The following LHFPL2 variants were observed in gnomAD, a reference collection of about 807,000 sequenced individuals.
LHFPL2 encodes the protein LHFPL tetraspan subfamily member 2 protein.
In LHFPL2, 7 loss-of-function variants were observed where a neutral mutation model predicts 17.5. The ratio of observed to expected loss-of-function variants is 0.40; its 90% CI spans 0.23 to 0.75. The LOEUF is 0.75. Among genes scored for constraint, LHFPL2 ranks in the 30% least tolerant of loss-of-function variants. LHFPL2 has a pLI of 0.37. For synonymous variants in LHFPL2, 134 were observed against 116.2 expected (o/e 1.15, Z -0.99); for missense variants, 241 against 294.8 (o/e 0.82, Z 1.34).
At chr5:78,530,482 TA>T (rs1305093518) in intron 3 of LHFPL2, among the ~76,000 whole-genome samples, 2 of 152,206 alleles carry the variant, frequency 1.3e-5, no homozygotes, top group Non-Finnish European at 2.9e-5. Context: ...GAGTTCTCCC[TA>T]GATATGATGT....
chr5:78,644,101 C>T lies in LHFPL2; in HGVS notation c.-350+4398G>A, dbSNP rs1336765770. Among the ~76,000 whole-genome samples the T allele has an allele frequency of 3.9e-5, 6 of 152,060 alleles. 1 individual carries two copies. The highest frequency in any genetic ancestry group is 2.6e-4 in the Admixed American group (4 of 15,262). ...ATAAAATACCACCAGCACAGGGTATCTAAAGATAACATTTGGTAGTGTGTT... is the reference window on the plus strand; with the variant it reads ...ATAAAATACCACCAGCACAGGGTATTTAAAGATAACATTTGGTAGTGTGTT... On this transcript the variant is annotated intron_variant, in intron 1 of 4. Coordinates refer to ENST00000380345, the MANE Select transcript of LHFPL2 (RefSeq NM_005779.3).
At chr5:78,608,477 G>T (rs1303716637) in intron 2 of LHFPL2, among the ~76,000 whole-genome samples, 2 of 151,342 alleles carry the variant, frequency 1.3e-5, no homozygotes, top group Non-Finnish European at 2.9e-5. Context: ...CTGCATTCTA[G>T]AATAATATAT....
chr5:78,626,951 C>T (rs1422923386), intron 2 of LHFPL2, among the ~76,000 whole-genome samples: 9 of 151,836 alleles, frequency 5.9e-5, no homozygotes, highest in Admixed American at 2.0e-4. Flanking sequence ...CATGGTGGTA[C>T]GCGCCTGTAA....
At chr5:78,604,639 A>G (rs1744145977) in intron 2 of LHFPL2, among the ~76,000 whole-genome samples, 1 of 152,214 alleles carries the variant, frequency 6.6e-6, no homozygotes, top group East Asian at 1.9e-4. Context: ...GATCCAAGAA[A>G]CTTGTATTCA....
chr5:78,645,651 C>G (rs1745845830), intron 1 of LHFPL2, among the ~76,000 whole-genome samples: 1 of 151,926 alleles, frequency 6.6e-6, no homozygotes, highest in African/African-American at 2.4e-5. Context: ...GGTGCCGTCT[C>G]AGCTCGCTGT....
intron 2 of LHFPL2, among the ~76,000 whole-genome samples, chr5:78,567,973 C>T (rs1242657472): frequency 2.0e-5 from 3 of 147,788 alleles, no homozygotes; most frequent in Non-Finnish European, 4.6e-5. Flanking sequence ...ATACTATAAT[C>T]AACGTGTAAA....
intron 4 of LHFPL2, among the ~76,000 whole-genome samples, chr5:78,497,059 C>T (rs1456747622): frequency 1.3e-5 from 2 of 152,220 alleles, no homozygotes; most frequent in Admixed American, 6.5e-5. Context: ...TTTCCATTCC[C>T]CACTCAAAAC....
At chr5:78,604,307 A>G (rs1182084586) in intron 2 of LHFPL2, among the ~76,000 whole-genome samples, 1 of 102,600 alleles carries the variant, frequency 9.7e-6, no homozygotes, top group Non-Finnish European at 1.9e-5. Context: ...GCGAAACCCC[A>G]TCTCTACTAA....
chr5:78,646,561 C>T (rs1745886863), intron 1 of LHFPL2, among the ~76,000 whole-genome samples: 1 of 152,124 alleles, frequency 6.6e-6, no homozygotes, highest in Non-Finnish European at 1.5e-5. Flanking sequence ...TCTGGGAGCC[C>T]AATAGCCCAA....
intron 2 of LHFPL2, among the ~76,000 whole-genome samples, chr5:78,631,171 T>A (rs1745231195): frequency 6.6e-6 from 1 of 152,232 alleles, no homozygotes; most frequent in Non-Finnish European, 1.5e-5. Flanking sequence ...TTAATCTCCT[T>A]CAGGTTGCCC....
At chr5:78,636,182 C>G (rs959540401) in intron 1 of LHFPL2, among the ~76,000 whole-genome samples, 1 of 152,150 alleles carries the variant, frequency 6.6e-6, no homozygotes, top group African/African-American at 2.4e-5. Context: ...CACACTCCAC[C>G]CTATCAGAAT....
At chr5:78,597,196 T>A (rs561832052) in intron 2 of LHFPL2, among the ~76,000 whole-genome samples, 61 of 152,218 alleles carry the variant, frequency 4.0e-4, no homozygotes, top group African/African-American at 1.4e-3. Flanking sequence ...AGAGCAGCAG[T>A]CTAATCCCAG....
At position 78,489,107 on chromosome 5, in the gene LHFPL2, A is replaced by C; in HGVS notation, c.477T>G (p.Gly159=). The change falls in exon 5 of 5, where the codon GGT becomes GGG. Residue 159 remains glycine, a synonymous_variant. Coordinates refer to ENST00000380345, the MANE Select transcript of LHFPL2 (RefSeq NM_005779.3). Reference sequence around the variant, plus strand: ...CACAGTAGTCTATGGCCTTCTGGCAACCCCAGCCAGCAGGGTAGAGTATCA... The same window carrying C: ...CACAGTAGTCTATGGCCTTCTGGCACCCCCAGCCAGCAGGGTAGAGTATCA... ...LGLILYPAGW[G]CQKAIDYCGH... 6.2e-7 allele frequency: 1 copy of C among 1,614,184 alleles called. No individual in the cohort carries two copies.
rs1283851909 is a variant in LHFPL2 at position 78,585,076 on chromosome 5, G to A, written c.-244-20205C>T. On this transcript the variant is annotated intron_variant, in intron 2 of 4. Coordinates refer to ENST00000380345, the MANE Select transcript of LHFPL2 (RefSeq NM_005779.3). ...GGCTGGAGTGCAGTGGCGGGATCTC[G>A]GCTCATTGCAAGCTCCACCTCCCGG... 8.8e-5 allele frequency among the ~76,000 whole-genome samples: 8 copies of A among 90,912 alleles called. 2 individuals carry two copies. In the East Asian group the frequency reaches 1.4e-3, roughly 15 times the overall value. The allele number at this position is 90,912 out of a possible 152,430, so 59.6% of individuals were successfully genotyped here.
At chr5:78,489,262 C>T (rs991735493) in intron 4 of LHFPL2, 109 bp from the exon 5 acceptor site, 5 of 1,221,990 alleles carry the variant, frequency 4.1e-6, no homozygotes, top group Admixed American at 2.1e-5. Context: ...GGCATCTATT[C>T]TGCAATAGAA....
chr5:78,566,791 A>T (rs1756871594), intron 2 of LHFPL2, among the ~76,000 whole-genome samples: 1 of 152,206 alleles, frequency 6.6e-6, no homozygotes, highest in Non-Finnish European at 1.5e-5. Context: ...TTCTTTGTTA[A>T]CTTAATTACT....
At chr5:78,613,639 A>G (rs535541279) in intron 2 of LHFPL2, among the ~76,000 whole-genome samples, 1 of 152,324 alleles carries the variant, frequency 6.6e-6, no homozygotes, top group Admixed American at 6.5e-5. Context: ...TATTATCTGT[A>G]ACTTTCACTG....
chr5:78,579,677 A>AT (rs1012279069), intron 2 of LHFPL2, among the ~76,000 whole-genome samples: 2 of 152,170 alleles, frequency 1.3e-5, no homozygotes, highest in African/African-American at 4.8e-5. Context: ...TGAACTCATC[A>AT]TTTTTTATGG....
At chr5:78,565,733 C>T (rs1006854642) in intron 2 of LHFPL2, among the ~76,000 whole-genome samples, 1 of 152,200 alleles carries the variant, frequency 6.6e-6, no homozygotes, top group Non-Finnish European at 1.5e-5. Flanking sequence ...AGAGAACCTT[C>T]CTCAATACCA....
Sources: gnomAD v4.1 joint callset for allele counts (sites outside exome capture counted in the v4.1 genomes callset) on GRCh38, gnomAD v4.1.1 for gene constraint, MANE v1.5 for transcripts, NCBI Gene and HGNC (gene_info 2026-07-23, HGNC 2026-07-21) for gene names.